Variants in UGGT2 observed in about 807,000 individuals in gnomAD.
UGGT2 encodes UDP-glucose glycoprotein glucosyltransferase 2, also known as UDP-glucose:glycoprotein glucosyltransferase 2.
Under a neutral mutation model 192.1 loss-of-function variants are expected in UGGT2, and 180 were observed. That is an observed-to-expected ratio of 0.94 (90% CI 0.83 to 1.06). The LOEUF is 1.06. UGGT2 is among the 50% of genes least tolerant of loss of function. The pLI, the probability that UGGT2 is intolerant of heterozygous loss-of-function variation, is 0.00. For synonymous variants in UGGT2, 580 were observed against 591.0 expected (o/e 0.98, Z 0.27); for missense variants, 1,849 against 1,795.7 (o/e 1.03, Z -0.54).
intron 2 of UGGT2, among the ~76,000 whole-genome samples, chr13:96,028,825 G>C (rs777550429): frequency 3.9e-5 from 6 of 152,118 alleles, no homozygotes; most frequent in Non-Finnish European, 5.9e-5. Context: ...TTTCCTCTAA[G>C]ATGTCTTGAA....
In UGGT2 at chr13:95,996,077, G is replaced by C. The variant is rs139386864; in HGVS notation, c.816C>G (p.Leu272=). The change falls in exon 7 of 39, where the codon CTC becomes CTG. Residue 272 remains leucine, a synonymous_variant. Transcript: ENST00000376747. ...TTCAGACTTACTTTAGTTTCCCAAA[G>C]AGAAATCCTTGAACTTCATTTGTTT... is the stretch of plus-strand genomic sequence containing the variant. The part of the protein sequence containing the change: ...ETETNEVQGF[L]FGKLKEIYSD... The C allele has an allele frequency of 3.1e-6, 5 of 1,613,426 alleles. No homozygotes were observed. The highest frequency in any genetic ancestry group is 3.4e-6 in the Non-Finnish European group (4 of 1,179,640).
At chr13:95,962,390 A>G (rs2050425220) in intron 12 of UGGT2, among the ~76,000 whole-genome samples, 1 of 152,176 alleles carries the variant, frequency 6.6e-6, no homozygotes, top group African/African-American at 2.4e-5. Context: ...TATAAACAAA[A>G]AAGATCATCA....
intron 31 of UGGT2, among the ~76,000 whole-genome samples, chr13:95,862,904 C>T (rs1890296205): frequency 6.6e-6 from 1 of 152,088 alleles, no homozygotes; most frequent in Admixed American, 6.6e-5. Context: ...ACTCTGTCAC[C>T]CAGGCTGGAG....
At chr13:95,948,821 C>T in intron 13 of UGGT2, among the ~76,000 whole-genome samples, 1 of 152,056 alleles carries the variant, frequency 6.6e-6, no homozygotes, top group East Asian at 1.9e-4. Context: ...GCTGTGTGCC[C>T]ACTCAAATCT....
At chr13:95,983,761 A>T (rs1297223208) in intron 10 of UGGT2, 43 bp downstream of exon 10, 2 of 1,343,708 alleles carry the variant, frequency 1.5e-6, no homozygotes, top group African/African-American at 2.9e-5. Flanking sequence ...AGAAACAGTG[A>T]TATTAGTTGG....
intron 20 of UGGT2, among the ~76,000 whole-genome samples, chr13:95,924,882 G>A (rs946431385): frequency 3.3e-5 from 5 of 152,042 alleles, no homozygotes; most frequent in Non-Finnish European, 5.9e-5. Flanking sequence ...TGAAGCCTTC[G>A]GATCACTGCA....
chr13:95,964,465 A>G (rs1302858943), intron 12 of UGGT2, among the ~76,000 whole-genome samples: 2 of 152,164 alleles, frequency 1.3e-5, no homozygotes, highest in African/African-American at 4.8e-5. Flanking sequence ...AAAATAGACA[A>G]ATGGGAAAAA....
intron 25 of UGGT2, 27 bp downstream of exon 25, chr13:95,890,835 C>T (rs2140234591): frequency 6.4e-7 from 1 of 1,557,362 alleles, no homozygotes; most frequent in East Asian, 2.3e-5. Context: ...AAAACAAAAA[C>T]ATTTAGTCTA....
chr13:96,008,409 G>A (rs927334740), intron 5 of UGGT2, among the ~76,000 whole-genome samples: 7 of 152,104 alleles, frequency 4.6e-5, no homozygotes, highest in South Asian at 4.1e-4. Context: ...AGAAATAAAA[G>A]GCATCCAAAT....
chr13:96,022,557 A>G (rs1241543123), intron 4 of UGGT2, among the ~76,000 whole-genome samples: 2 of 150,750 alleles, frequency 1.3e-5, no homozygotes, highest in African/African-American at 2.4e-5. Flanking sequence ...AGTATAAATA[A>G]TCAGGCAAAA....
chr13:95,930,940 A>T (rs1029903764), intron 17 of UGGT2, among the ~76,000 whole-genome samples: 1 of 152,182 alleles, frequency 6.6e-6, no homozygotes. Context: ...GAGCAGCAGA[A>T]AGATTTACTG....
At chr13:95,843,220 T>C (rs1024036595) in intron 36 of UGGT2, among the ~76,000 whole-genome samples, 1 of 152,192 alleles carries the variant, frequency 6.6e-6, no homozygotes, top group Non-Finnish European at 1.5e-5. Context: ...GCTTAGCCAT[T>C]TTACACTCAT....
Position 96,017,656 on chromosome 13 carries a change from C to T in UGGT2, c.486-4175G>A, listed in dbSNP as rs373851387. The stretch of plus-strand genomic sequence containing the variant: ...TTTGTGGGAGAAGGATCTAAGATAC[C>T]CTTTATAGTACAATAAATGTTTTTT... On this transcript the variant is annotated intron_variant, in intron 4 of 38. Coordinates refer to ENST00000376747, the MANE Select transcript of UGGT2 (RefSeq NM_020121.4). Among the ~76,000 whole-genome samples, 26 of 152,052 alleles carry T rather than the reference C, an allele frequency of 1.7e-4. No individual in the cohort carries two copies. In the East Asian group the frequency reaches 2.9e-3, roughly 17 times the overall value.
chr13:95,927,487 T>C (rs1416699194), intron 17 of UGGT2, 151 bp from the exon 18 acceptor site: 7 of 740,362 alleles, frequency 9.5e-6, no homozygotes, highest in Non-Finnish European at 1.2e-5. Flanking sequence ...TTTTTTTTTT[T>C]TATTCTTCAG....
chr13:95,920,040 T>A (rs1020925967), intron 20 of UGGT2, among the ~76,000 whole-genome samples: 1 of 151,966 alleles, frequency 6.6e-6, no homozygotes, highest in Non-Finnish European at 1.5e-5. Context: ...AACTCAGAAA[T>A]AAGATCACAC....
At chr13:95,904,101 TTA>T (rs1327453693) in intron 20 of UGGT2, among the ~76,000 whole-genome samples, 4 of 151,998 alleles carry the variant, frequency 2.6e-5, no homozygotes, top group Admixed American at 2.0e-4. Flanking sequence ...CTTTTTTTGG[TTA>T]TATGTGTAGA....
At chr13:95,907,189 G>GAA in intron 20 of UGGT2, among the ~76,000 whole-genome samples, 1 of 152,222 alleles carries the variant, frequency 6.6e-6, no homozygotes, top group Non-Finnish European at 1.5e-5. Context: ...ACTGCAAGCT[G>GAA]GCAGCCTGGC....
At chr13:96,012,880 G>A (rs556980120) in intron 5 of UGGT2, among the ~76,000 whole-genome samples, 5 of 151,984 alleles carry the variant, frequency 3.3e-5, no homozygotes, top group East Asian at 1.9e-4. Context: ...CTAGAGGAAC[G>A]GGAACAATAC....
intron 27 of UGGT2, among the ~76,000 whole-genome samples, chr13:95,879,197 T>G (rs1422693709): frequency 6.6e-6 from 1 of 152,026 alleles, no homozygotes; most frequent in Non-Finnish European, 1.5e-5. Flanking sequence ...TAGGGAAGAG[T>G]CTAAATACAC....
Sources: allele counts gnomAD v4.1 joint callset (sites outside exome capture counted in the v4.1 genomes callset), GRCh38; gene constraint gnomAD v4.1.1; transcripts MANE v1.5; gene names NCBI Gene and HGNC (gene_info 2026-07-23, HGNC 2026-07-21).